The following FRMPD4 variants were observed in gnomAD, a reference collection of about 807,000 sequenced individuals.
FRMPD4 encodes FERM and PDZ domain-containing protein 4.
A neutral mutation model predicts 94.1 loss-of-function variants in FRMPD4; 22 were observed. The ratio of observed to expected loss-of-function variants is 0.23; its 90% CI spans 0.17 to 0.33. The LOEUF is 0.33. Among genes scored for constraint, FRMPD4 ranks in the 10% least tolerant of loss-of-function variants. The probability of loss-of-function intolerance (pLI) is 1.00; values close to 1 mark genes in which losing one functional copy is unlikely to be tolerated. For synonymous variants in FRMPD4, 631 were observed against 548.6 expected, an observed-to-expected ratio of 1.15 and a Z score of -2.10; for missense variants, 1,111 against 1,339.9, an observed-to-expected ratio of 0.83 and a Z score of 2.67.
chrX:12,133,292 G>A (rs752941739), intron 3 of FRMPD4, among the ~76,000 whole-genome samples: 30 of 108,609 alleles, frequency 2.8e-4, no homozygotes, highest in African/African-American at 9.1e-4. Context: ...GGCTGGTCTC[G>A]AACTCCTGGC....
intron 1 of FRMPD4, among the ~76,000 whole-genome samples, chrX:12,185,856 G>T (rs888272913): frequency 9.0e-6 from 1 of 111,075 alleles, no homozygotes; most frequent in African/African-American, 3.3e-5. Flanking sequence ...CACTACTTGG[G>T]GTCATAAAAT....
chrX:11,863,584 A>G (rs1470971397), intron 1 of FRMPD4, among the ~76,000 whole-genome samples: 1 of 111,701 alleles, frequency 9.0e-6, no homozygotes, highest in Non-Finnish European at 1.9e-5. Context: ...ATGATGACAC[A>G]TATTATTTTA....
intron 3 of FRMPD4, among the ~76,000 whole-genome samples, chrX:12,612,523 CATGA>C (rs1213512178): frequency 1.8e-5 from 2 of 112,210 alleles, no homozygotes; most frequent in Non-Finnish European, 3.8e-5. Context: ...AAGTAAAGGC[CATGA>C]GACAGTTCTC....
In FRMPD4 at chrX:12,362,452, T is replaced by C. The variant is rs1458672381; in HGVS notation, c.42-136228T>C. Among the ~76,000 whole-genome samples, 10 of 111,031 alleles carry C rather than the reference T, an allele frequency of 9.0e-5. No homozygotes were observed. In the East Asian group the frequency reaches 2.0e-3, roughly 22 times the overall value. ...ATTCCCACCTATGAGTGAGAACATG[T>C]GGTGTTTGGTTTTCTGTCCTTGTGA... On this transcript the variant is annotated intron_variant, in intron 1 of 16. Coordinates refer to ENST00000675598, the MANE Select transcript of FRMPD4 (RefSeq NM_001368397.1).
intron 1 of FRMPD4, among the ~76,000 whole-genome samples, chrX:12,279,454 A>G (rs1288817738): frequency 2.7e-5 from 3 of 112,011 alleles, no homozygotes; most frequent in African/African-American, 9.8e-5. Context: ...GCCCTCTTTT[A>G]TGGATAGAAG....
At chrX:12,525,670 T>C (rs1202478258) in intron 2 of FRMPD4, among the ~76,000 whole-genome samples, 1 of 112,571 alleles carries the variant, frequency 8.9e-6, no homozygotes, top group Non-Finnish European at 1.9e-5. Flanking sequence ...AGTAGATACC[T>C]GGGAGTAAAA....
At chrX:12,418,014 A>AAAC (rs1359256951) in intron 1 of FRMPD4, among the ~76,000 whole-genome samples, 1 of 107,048 alleles carries the variant, frequency 9.3e-6, no homozygotes, top group African/African-American at 3.4e-5. Context: ...AAAAAAAAAC[A>AAAC]AACAACAACA....
chrX:11,907,197 C>A (rs1189271876), intron 3 of FRMPD4, among the ~76,000 whole-genome samples: 1 of 109,414 alleles, frequency 9.1e-6, no homozygotes, highest in Non-Finnish European at 1.9e-5. Flanking sequence ...AACATGGTTT[C>A]CCTTAATTCT....
chrX:12,710,014 A>C (rs777909581), intron 13 of FRMPD4, among the ~76,000 whole-genome samples: 16 of 110,982 alleles, frequency 1.4e-4, no homozygotes, highest in African/African-American at 1.3e-4. Context: ...TGTGATCCCA[A>C]CTATTCCGGA....
intron 2 of FRMPD4, among the ~76,000 whole-genome samples, chrX:12,577,179 G>C (rs776979018): frequency 9.9e-6 from 1 of 100,549 alleles, no homozygotes; most frequent in Admixed American, 1.1e-4. Context: ...CAACCATTGC[G>C]TTAGGTGCTC....
chrX:12,296,887 C>T (rs1471679504), intron 1 of FRMPD4, among the ~76,000 whole-genome samples: 2 of 112,335 alleles, frequency 1.8e-5, no homozygotes, highest in Non-Finnish European at 1.9e-5. Flanking sequence ...GGGCATCCCA[C>T]CAGGACCTGG....
chrX:12,512,562 T>C (rs2148252151), intron 2 of FRMPD4, among the ~76,000 whole-genome samples: 1 of 113,024 alleles, frequency 8.8e-6, no homozygotes, highest in East Asian at 2.8e-4. Context: ...TCATTCCTTT[T>C]TATGGCTGCA....
At chrX:12,432,801 A>C (rs1309475673) in intron 1 of FRMPD4, among the ~76,000 whole-genome samples, 2 of 112,100 alleles carry the variant, frequency 1.8e-5, no homozygotes, top group Admixed American at 9.4e-5. Context: ...AGGTGTTACT[A>C]TGTTGCCCAG....
chrX:12,119,848 T>C (rs891488456), intron 3 of FRMPD4, among the ~76,000 whole-genome samples: 1 of 112,634 alleles, frequency 8.9e-6, no homozygotes, highest in Admixed American at 9.4e-5. Flanking sequence ...AATGTATCTG[T>C]AGAAGCAGAA....
At chrX:12,490,424 G>C (rs2057781158) in intron 1 of FRMPD4, among the ~76,000 whole-genome samples, 1 of 111,683 alleles carries the variant, frequency 9.0e-6, no homozygotes, top group Admixed American at 9.5e-5. Context: ...GTGATCATTG[G>C]TGTTTATTTT....
intron 2 of FRMPD4, among the ~76,000 whole-genome samples, chrX:12,550,236 G>C (rs1487426046): frequency 2.7e-5 from 3 of 111,103 alleles, no homozygotes; most frequent in Non-Finnish European, 5.7e-5. Context: ...TGGCAGGTAT[G>C]TAGATAGAGG....
chrX:12,467,393 G>C (rs187375361), intron 1 of FRMPD4, among the ~76,000 whole-genome samples: 125 of 111,901 alleles, frequency 1.1e-3, no homozygotes, highest in African/African-American at 3.8e-3. Flanking sequence ...ACAGATTTGG[G>C]TTGTGTCTAC....
intron 3 of FRMPD4, among the ~76,000 whole-genome samples, chrX:11,956,304 C>G (rs1176584333): frequency 9.0e-6 from 1 of 111,731 alleles, no homozygotes; most frequent in Non-Finnish European, 1.9e-5. Context: ...CCTACTGAAA[C>G]TGGAGGCAAC....
chrX:12,318,911 T>C (rs4336784), intron 1 of FRMPD4, among the ~76,000 whole-genome samples: 6,937 of 110,002 alleles, frequency 0.063, 554 homozygotes, highest in African/African-American at 0.21. Context: ...AAAAAAAACA[T>C]AGGGGAAAGC....
Sources: gnomAD v4.1 joint callset for allele counts (sites outside exome capture counted in the v4.1 genomes callset) on GRCh38, gnomAD v4.1.1 for gene constraint, MANE v1.5 for transcripts, NCBI Gene and HGNC (gene_info 2026-07-23, HGNC 2026-07-21) for gene names.